The following GRK4 variants were observed in gnomAD, a reference collection of about 807,000 sequenced individuals.
GRK4 encodes the protein G protein-coupled receptor kinase 2-like.
A neutral mutation model predicts 77.9 loss-of-function variants in GRK4; 73 were observed. That is an observed-to-expected ratio of 0.94 (90% CI 0.78 to 1.14). GRK4 has a LOEUF of 1.14. Ranked by LOEUF, GRK4 falls within the 50% of genes most tolerant of loss-of-function variation. GRK4 has a pLI of 0.00. For synonymous variants in GRK4, 257 were observed against 254.4 expected (o/e 1.01, Z -0.10); for missense variants, 729 against 700.2 (o/e 1.04, Z -0.46).
chr4:2,965,471 A>G (rs749080349), intron 1 of GRK4: 16 of 703,006 alleles, frequency 2.3e-5, no homozygotes, highest in Non-Finnish European at 3.9e-5. Context: ...TGCGTGATGG[A>G]GCAGCTCTGC....
At chr4:3,029,105 T>G in intron 11 of GRK4, 96 bp from the exon 12 acceptor site, 1 of 923,376 alleles carries the variant, frequency 1.1e-6, no homozygotes, top group Non-Finnish European at 1.7e-6. Flanking sequence ...GTCCATGTTG[T>G]CACACACGTT....
At chr4:2,981,997 C>T (rs1261160048) in intron 1 of GRK4, among the ~76,000 whole-genome samples, 2 of 152,276 alleles carry the variant, frequency 1.3e-5, no homozygotes, top group Admixed American at 6.5e-5. Context: ...TGTGACAGTG[C>T]CTGGGCTCAG....
In GRK4 at chr4:3,007,842, T is replaced by G. The variant is rs1475615155; in HGVS notation, c.536+14T>G. The G allele has an allele frequency of 1.3e-6, 2 of 1,577,438 alleles. No homozygotes were observed. The highest frequency in any genetic ancestry group is 3.5e-5 in the Admixed American group (2 of 56,492). ...ATGGCTGGAAAGGTATGTACTGATTTTAAACTTGATAAAAGCCAATTGAGG... is the reference window on the plus strand; with the variant it reads ...ATGGCTGGAAAGGTATGTACTGATTGTAAACTTGATAAAAGCCAATTGAGG... On this transcript the variant is annotated intron_variant, in intron 6 of 15. Coordinates refer to ENST00000398052, the MANE Select transcript of GRK4 (RefSeq NM_182982.3).
chr4:2,985,653 G>A (rs1578054798), intron 2 of GRK4: 2 of 205,030 alleles, frequency 9.8e-6, no homozygotes, highest in East Asian at 1.8e-4. Context: ...AGAATACTCT[G>A]CAACTGTAAA....
chr4:3,002,208 G>C (rs935326993), intron 4 of GRK4, among the ~76,000 whole-genome samples: 1 of 152,118 alleles, frequency 6.6e-6, no homozygotes, highest in Non-Finnish European at 1.5e-5. Flanking sequence ...GGGAAAACTG[G>C]CAACTAGGAT....
At chr4:3,000,006 G>T (rs1183852272) in intron 4 of GRK4, among the ~76,000 whole-genome samples, 1 of 152,144 alleles carries the variant, frequency 6.6e-6, no homozygotes, top group Non-Finnish European at 1.5e-5. Flanking sequence ...GCATATTTCT[G>T]CAAAATCCAC....
At chr4:2,981,238 A>G (rs1321035208) in intron 1 of GRK4, among the ~76,000 whole-genome samples, 1 of 152,214 alleles carries the variant, frequency 6.6e-6, no homozygotes, top group African/African-American at 2.4e-5. Flanking sequence ...ATCACCCACA[A>G]CGTGGTGAGT....
chr4:2,988,040 C>T (rs1421307756), intron 2 of GRK4, among the ~76,000 whole-genome samples: 1 of 131,516 alleles, frequency 7.6e-6, no homozygotes, highest in Non-Finnish European at 1.5e-5. Context: ...TATGCCACTG[C>T]ACTCCAGCCT....
In GRK4 at chr4:2,994,726, C is replaced by T. The variant is rs1727280949; in HGVS notation, c.339+2434C>T. ...TACATGTGTGGCTTGGTGCCTTAGT[C>T]TGTTTTGTGCTGCTGTAATAGAATG... is the stretch of plus-strand genomic sequence containing the variant. On this transcript the variant is annotated intron_variant, in intron 4 of 15. Coordinates refer to ENST00000398052, the MANE Select transcript of GRK4 (RefSeq NM_182982.3). Among the ~76,000 whole-genome samples, 5 of 152,102 alleles carry T rather than the reference C, an allele frequency of 3.3e-5. No individual in the cohort carries two copies. The South Asian group carries it at 1.0e-3, about 32-fold the overall frequency.
At chr4:2,968,808 G>A (rs1718565395) in intron 1 of GRK4, among the ~76,000 whole-genome samples, 1 of 152,116 alleles carries the variant, frequency 6.6e-6, no homozygotes, top group Non-Finnish European at 1.5e-5. Flanking sequence ...TTGATAATCA[G>A]GTCTCCACGG....
chr4:3,007,975 C>G (rs887526616), intron 6 of GRK4, 147 bp downstream of exon 6: 3 of 524,530 alleles, frequency 5.7e-6, no homozygotes, highest in Non-Finnish European at 1.0e-5. Context: ...TGAATAGCCA[C>G]TGCACTCCAA....
chr4:3,005,317 T>G (rs915862679), intron 5 of GRK4, among the ~76,000 whole-genome samples: 1 of 151,764 alleles, frequency 6.6e-6, no homozygotes, highest in Admixed American at 6.6e-5. Flanking sequence ...AGATGACATA[T>G]GCATTGTGTT....
intron 1 of GRK4, among the ~76,000 whole-genome samples, chr4:2,980,992 GC>G (rs1560368173): frequency 6.6e-6 from 1 of 152,236 alleles, no homozygotes; most frequent in Non-Finnish European, 1.5e-5. Context: ...GCCAGCTGTG[GC>G]AGGGCAGGCA....
chr4:2,977,797 G>C (rs1352124391), intron 1 of GRK4, among the ~76,000 whole-genome samples: 1 of 152,138 alleles, frequency 6.6e-6, no homozygotes, highest in East Asian at 1.9e-4. Flanking sequence ...AAACACTTCT[G>C]TCCACATTCT....
chr4:3,005,723 G>A (rs1484342165), intron 5 of GRK4, among the ~76,000 whole-genome samples: 1 of 152,038 alleles, frequency 6.6e-6, no homozygotes, highest in Non-Finnish European at 1.5e-5. Context: ...AGAATCACTT[G>A]AACCTGGGAG....
chr4:2,984,443 G>T lies in GRK4; in HGVS notation c.53-70G>T, dbSNP rs576266089. On this transcript the variant is annotated intron_variant, in intron 1 of 15. Transcript: ENST00000398052. ...CAAACAGAAATGTTAAGATATATTG[G>T]TGGAAGTAGTTGTTATAATTGGATA... is the stretch of plus-strand genomic sequence containing the variant. The T allele has an allele frequency of 6.8e-5, 55 of 804,230 alleles. No individual in the cohort carries two copies. The East Asian group carries it at 1.3e-3, about 19-fold the overall frequency. 49.8% of individuals were successfully genotyped at this position (804,230 alleles called of 1,614,324 possible).
chr4:3,021,765 G>A (rs935692564), intron 9 of GRK4, among the ~76,000 whole-genome samples: 60 of 152,248 alleles, frequency 3.9e-4, no homozygotes, highest in African/African-American at 1.3e-3. Context: ...AGGTGACTAC[G>A]GCTGAGCCGC....
At chr4:3,016,874 G>T (rs1734700614) in intron 8 of GRK4, among the ~76,000 whole-genome samples, 1 of 152,130 alleles carries the variant, frequency 6.6e-6, no homozygotes, top group East Asian at 1.9e-4. Flanking sequence ...CTCTCCCAAG[G>T]AACCTAGAGA....
At chr4:3,028,068 GA>G in intron 11 of GRK4, 67 bp downstream of exon 11, 1 of 1,379,546 alleles carries the variant, frequency 7.2e-7, no homozygotes. Context: ...AGAACACAGA[GA>G]AATCCACCCT....
Sources: allele counts gnomAD v4.1 joint callset (sites outside exome capture counted in the v4.1 genomes callset), GRCh38; gene constraint gnomAD v4.1.1; transcripts MANE v1.5; gene names NCBI Gene and HGNC (gene_info 2026-07-23, HGNC 2026-07-21).